The following CLXN variants were observed in gnomAD, a reference collection of about 807,000 sequenced individuals.
CLXN encodes the protein EF-hand calcium binding domain 1.
chr8:48,731,309 G>T, the CLXN span: 14 of 1,538,548 alleles, frequency 9.1e-6, no homozygotes, highest in Admixed American at 1.0e-4. Context: ...TTTCAGTTAT[G>T]GCTGGATTTG....
At chr8:48,735,144 C>T in the CLXN span, 7 of 1,614,080 alleles carry the variant, frequency 4.3e-6, no homozygotes, top group East Asian at 1.1e-4. Flanking sequence ...CAGTTTCTTG[C>T]GGTTCATGTC....
chr8:48,733,449 G>GAAC, the CLXN span, among the ~76,000 whole-genome samples: 4 of 152,152 alleles, frequency 2.6e-5, no homozygotes, highest in African/African-American at 2.4e-5. Flanking sequence ...CATATCTGTA[G>GAAC]AACAGTGCAT....
the CLXN span, among the ~76,000 whole-genome samples, chr8:48,725,633 G>T: frequency 2.0e-5 from 3 of 151,906 alleles, no homozygotes; most frequent in Non-Finnish European, 4.4e-5. Context: ...GAGAAACCAC[G>T]TCTCTACTAA....
At chr8:48,713,839 C>T in the CLXN span, 29 of 152,212 alleles carry the variant, frequency 1.9e-4, no homozygotes, top group East Asian at 5.6e-3. Context: ...GCAGGACTAC[C>T]AGTTTTCAGT....
chr8:48,735,112 T>C, the CLXN span: 2 of 1,614,120 alleles, frequency 1.2e-6, no homozygotes, highest in Non-Finnish European at 1.7e-6. Flanking sequence ...CAATTTTTGG[T>C]TAAGGTGTCC....
chr8:48,732,024 G>C, the CLXN span, among the ~76,000 whole-genome samples: 3 of 152,092 alleles, frequency 2.0e-5, no homozygotes, highest in Non-Finnish European at 2.9e-5. Flanking sequence ...GCATATTTTA[G>C]CACCCAATAT....
At chr8:48,723,052 A>G in the CLXN span, among the ~76,000 whole-genome samples, 2 of 152,214 alleles carry the variant, frequency 1.3e-5, no homozygotes, top group African/African-American at 4.8e-5. Flanking sequence ...CAGTTATGAA[A>G]GATGAATAAG....
the CLXN span, chr8:48,734,794 G>A: frequency 2.7e-5 from 10 of 372,830 alleles, no homozygotes; most frequent in Non-Finnish European, 4.3e-5. Flanking sequence ...ACCTCATTGA[G>A]GCTAACATCA....
the CLXN span, chr8:48,730,171 G>A: frequency 3.1e-6 from 1 of 319,106 alleles, no homozygotes; most frequent in South Asian, 9.1e-5. Flanking sequence ...AGAATTAATT[G>A]AGAGTTAATT....
At chr8:48,729,247 G>T in the CLXN span, 1 of 968,784 alleles carries the variant, frequency 1.0e-6, no homozygotes. Context: ...GTGCTAGGCT[G>T]GGGATGGTGG....
At chr8:48,719,442 A>C in the CLXN span, among the ~76,000 whole-genome samples, 1 of 152,208 alleles carries the variant, frequency 6.6e-6, no homozygotes, top group African/African-American at 2.4e-5. Context: ...GCCAGTATCA[A>C]CTTGATTCCA....
chr8:48,718,803 T>C, the CLXN span, among the ~76,000 whole-genome samples: 8,220 of 151,652 alleles, frequency 0.054, 317 homozygotes, highest in South Asian at 0.19. Context: ...GCAGCAAAAG[T>C]AGTATTGAGG....
chr8:48,714,375 C>T, the CLXN span, among the ~76,000 whole-genome samples: 1 of 152,150 alleles, frequency 6.6e-6, no homozygotes, highest in African/African-American at 2.4e-5. Flanking sequence ...TGATGAACGG[C>T]AGAGGAGATG....
At chr8:48,712,218 C>T in the CLXN span, 2 of 152,372 alleles carry the variant, frequency 1.3e-5, no homozygotes, top group East Asian at 1.9e-4. Context: ...ACACTGTTCT[C>T]TGTCTTCAGG....
At chr8:48,721,824 G>A in the CLXN span, among the ~76,000 whole-genome samples, 7 of 152,150 alleles carry the variant, frequency 4.6e-5, no homozygotes, top group African/African-American at 1.7e-4. Flanking sequence ...ACTTAATGTT[G>A]ACTTGCAGCT....
chr8:48,724,856 C>A, the CLXN span: 1 of 1,449,506 alleles, frequency 6.9e-7, no homozygotes, highest in Admixed American at 1.8e-5. Flanking sequence ...TAGAACACCA[C>A]AAAATATTCT....
At chr8:48,714,007 A>T in the CLXN span, 2 of 152,282 alleles carry the variant, frequency 1.3e-5, no homozygotes, top group African/African-American at 2.4e-5. Context: ...AGGGGAAGCC[A>T]ATGAGAGGAG....
chr8:48,720,017 T>C, the CLXN span, among the ~76,000 whole-genome samples: 1 of 152,228 alleles, frequency 6.6e-6, no homozygotes, highest in East Asian at 1.9e-4. Context: ...GAAGATTTCA[T>C]GGACATTTAT....
chr8:48,727,912 G>C, the CLXN span, among the ~76,000 whole-genome samples: 1 of 152,298 alleles, frequency 6.6e-6, no homozygotes, highest in African/African-American at 2.4e-5. Context: ...TGTTAAAAGA[G>C]AGAAATTAAA....
Sources: gnomAD v4.1 joint callset for allele counts (sites outside exome capture counted in the v4.1 genomes callset) on GRCh38, gnomAD v4.1.1 for gene constraint, MANE v1.5 for transcripts, NCBI Gene and HGNC (gene_info 2026-07-23, HGNC 2026-07-21) for gene names.